Variants in CEP85L observed in about 807,000 individuals in gnomAD.
CEP85L encodes the protein centrosomal protein of 85 kDa-like.
Under a neutral mutation model 100.3 loss-of-function variants are expected in CEP85L, and 60 were observed. The ratio of observed to expected loss-of-function variants is 0.60; its 90% CI spans 0.49 to 0.74. CEP85L has a LOEUF of 0.74. Among genes scored for constraint, CEP85L ranks in the 30% least tolerant of loss-of-function variants. The pLI is 0.00. For missense variants in CEP85L, 973 were observed against 936.2 expected (o/e 1.04, Z -0.51); for synonymous variants, 319 against 322.7 (o/e 0.99, Z 0.12).
At chr6:118,479,965 G>T in intron 9 of CEP85L, 44 bp from the exon 10 acceptor site, 1 of 1,011,902 alleles carries the variant, frequency 9.9e-7, no homozygotes, top group Non-Finnish European at 1.5e-6. Flanking sequence ...TTTTTACATC[G>T]CTTCTTAAAA....
chr6:118,640,527 T>C (rs759958453), intron 1 of CEP85L, among the ~76,000 whole-genome samples: 1 of 152,130 alleles, frequency 6.6e-6, no homozygotes, highest in Admixed American at 6.5e-5. Context: ...AGTTTTTTGT[T>C]GTTGTTATTG....
chr6:118,495,054 G>A (rs1774831141), intron 5 of CEP85L, among the ~76,000 whole-genome samples: 1 of 151,828 alleles, frequency 6.6e-6, no homozygotes, highest in Non-Finnish European at 1.5e-5. Flanking sequence ...CATTAGCAGA[G>A]TAGACCTGGC....
intron 5 of CEP85L, among the ~76,000 whole-genome samples, chr6:118,495,893 C>G (rs937938406): frequency 1.3e-5 from 2 of 152,170 alleles, no homozygotes; most frequent in African/African-American, 2.4e-5. Flanking sequence ...TCAATGTTAA[C>G]AAGGCAACAA....
At chr6:118,658,702 A>C (rs1204601525) in intron 1 of CEP85L, among the ~76,000 whole-genome samples, 1 of 152,166 alleles carries the variant, frequency 6.6e-6, no homozygotes, top group Non-Finnish European at 1.5e-5. Context: ...AAGTGGAAAA[A>C]GCAACATTTA....
At chr6:118,593,748 T>C (rs544562764) in intron 2 of CEP85L, among the ~76,000 whole-genome samples, 4 of 152,250 alleles carry the variant, frequency 2.6e-5, no homozygotes, top group African/African-American at 9.6e-5. Flanking sequence ...AGTTGTCTTT[T>C]TCCTGTCTCT....
rs1473032554 is a variant in CEP85L, at chr6:118,566,152, A to G, written c.397T>C (p.Leu133=). Residue 133 remains leucine, a synonymous_variant, in exon 3 of 13, where the codon TTG becomes CTG. Transcript: ENST00000368491. Reference sequence around the variant, plus strand: ...TGCTCCCCCCTACTGTGGTTTCCCAATGTTTGCATGAGGCTTGTACTCCAT... The same window carrying G: ...TGCTCCCCCCTACTGTGGTTTCCCAGTGTTTGCATGAGGCTTGTACTCCAT... ...SKWSTSLMQT[L]GNHSRGEQDS... 2 of 1,614,108 alleles carry G rather than the reference A, an allele frequency of 1.2e-6. No individual in the cohort carries two copies. Among genetic ancestry groups the G allele is most frequent in the Non-Finnish European group, 1.7e-6 (2 of 1,180,008 alleles).
Position 118,491,703 on chromosome 6 carries a change from T to C in CEP85L, c.1420A>G (p.Lys474Glu). ...QRLSLFSEEKKKLEEKLKTRD... is the reference protein window; with the variant it reads ...QRLSLFSEEKEKLEEKLKTRD... ...AAACCTACTTTTTCCTCTAGTTTCT[T>C]CTTCTCTTCACTAAATAGGCTTAGT... Residue 474 changes from lysine (K) to glutamate (E), a missense_variant, in exon 6 of 13, where the codon AAG (lysine) becomes GAG (glutamate). Lys to Glu is a moderately conservative substitution (Grantham distance 56). This residue lies in a region of CEP85L where 890 missense variants were observed against 844.5 expected (regional missense o/e 1.05). Transcript: ENST00000368491. 6.2e-7 allele frequency: 1 copy of C among 1,612,214 alleles called. No homozygotes were observed. Among genetic ancestry groups the C allele is most frequent in the East Asian group, 2.2e-5 (1 of 44,812 alleles).
chr6:118,567,170 T>C (rs1470796726), intron 2 of CEP85L, among the ~76,000 whole-genome samples: 1 of 150,424 alleles, frequency 6.6e-6, no homozygotes, highest in Non-Finnish European at 1.5e-5. Context: ...TTTAATGGCA[T>C]ATATATATGT....
At chr6:118,528,102 G>T (rs566238592) in intron 3 of CEP85L, among the ~76,000 whole-genome samples, 6 of 152,020 alleles carry the variant, frequency 3.9e-5, no homozygotes, top group Non-Finnish European at 8.8e-5. Flanking sequence ...GGCAACAGAT[G>T]ATGATCTTCT....
At chr6:118,687,241 T>G (rs1776865757) in intron 1 of CEP85L, among the ~76,000 whole-genome samples, 1 of 152,206 alleles carries the variant, frequency 6.6e-6, no homozygotes, top group Non-Finnish European at 1.5e-5. Flanking sequence ...TTTGTTTTTC[T>G]TGAGACAGAG....
chr6:118,542,479 C>T (rs1777949410), intron 3 of CEP85L, among the ~76,000 whole-genome samples: 1 of 152,126 alleles, frequency 6.6e-6, no homozygotes, highest in South Asian at 2.1e-4. Flanking sequence ...AAAATAACCA[C>T]ATTTTTCAAG....
chr6:118,593,162 C>A (rs760627177), intron 2 of CEP85L, among the ~76,000 whole-genome samples: 18 of 151,900 alleles, frequency 1.2e-4, no homozygotes, highest in Non-Finnish European at 2.2e-4. Context: ...TTGCCTACAG[C>A]TGGGAAAATA....
chr6:118,507,297 A>C (rs1453246866), intron 5 of CEP85L, among the ~76,000 whole-genome samples: 1 of 152,224 alleles, frequency 6.6e-6, no homozygotes, highest in Non-Finnish European at 1.5e-5. Context: ...TGGCTTGGTC[A>C]TACAGATGTT....
intron 1 of CEP85L, among the ~76,000 whole-genome samples, chr6:118,658,742 AAATT>A (rs1236229136): frequency 6.6e-6 from 1 of 152,204 alleles, no homozygotes; most frequent in Non-Finnish European, 1.5e-5. Flanking sequence ...TGTTATAAGT[AAATT>A]AATAAATATT....
intron 8 of CEP85L, among the ~76,000 whole-genome samples, chr6:118,480,999 T>A (rs138143203): frequency 7.2e-5 from 11 of 152,062 alleles, no homozygotes; most frequent in Admixed American, 6.6e-4. Flanking sequence ...CTTTCATTTC[T>A]TTTCTTTTTT....
chr6:118,476,130 T>A (rs1773349878), intron 10 of CEP85L, among the ~76,000 whole-genome samples: 1 of 151,788 alleles, frequency 6.6e-6, no homozygotes, highest in Non-Finnish European at 1.5e-5. Context: ...CTCGTACAAC[T>A]CCCCCCCGCG....
At chr6:118,679,302 C>A (rs528762598) in intron 1 of CEP85L, among the ~76,000 whole-genome samples, 1 of 152,040 alleles carries the variant, frequency 6.6e-6, no homozygotes, top group South Asian at 2.1e-4. Context: ...AGAGACCTGG[C>A]ACAAGATGAA....
At chr6:118,516,886 C>T (rs189669169) in intron 4 of CEP85L, among the ~76,000 whole-genome samples, 10 of 152,244 alleles carry the variant, frequency 6.6e-5, no homozygotes, top group Admixed American at 4.6e-4. Context: ...TTAGGTCTTA[C>T]GCTTAAGTTT....
Position 118,480,400 on chromosome 6 carries a change from C to T in CEP85L, c.1859G>A (p.Ser620Asn). 1.3e-6 allele frequency: 2 copies of T among 1,583,864 alleles called. No homozygotes were observed. The highest frequency in any genetic ancestry group is 1.7e-6 in the Non-Finnish European group (2 of 1,153,486). The stretch of plus-strand genomic sequence containing the variant: ...TGATCTAAGGTATCTACTGACCTTA[C>T]TAGCAGTCTCATTTTGTTGTCTGAG... ...DNLRQQNETA[S>N]KIIDSQQDEI... is the part of the protein sequence containing the mutation. Residue 620 changes from serine to asparagine, a missense_variant, in exon 9 of 13, where the codon AGT (serine) becomes AAT (asparagine). Ser to Asn is a conservative substitution (Grantham distance 46, BLOSUM62 1). Coordinates refer to ENST00000368491, the MANE Select transcript of CEP85L (RefSeq NM_001042475.3).
Sources: gnomAD v4.1 joint callset for allele counts (sites outside exome capture counted in the v4.1 genomes callset) on GRCh38, gnomAD v4.1.1 for gene constraint, gnomAD v4.1.1 regional missense constraint, MANE v1.5 for transcripts, NCBI Gene and HGNC (gene_info 2026-07-23, HGNC 2026-07-21) for gene names.